Variants in PDE1C observed in about 807,000 individuals in gnomAD.
PDE1C encodes the protein phosphodiesterase 1C, also known as dual specificity calcium/calmodulin-dependent 3',5'-cyclic nucleotide phosphodiesterase 1C.
Under a neutral mutation model 93.1 loss-of-function variants are expected in PDE1C, and 62 were observed. The observed-to-expected ratio is 0.67, with a 90% CI of 0.54 to 0.82. The LOEUF (loss-of-function observed/expected upper bound fraction) is 0.82, where lower values mean the gene tolerates loss of function less well. PDE1C is among the 40% of genes least tolerant of loss of function. The pLI is 0.00. For synonymous variants in PDE1C, 325 were observed against 310.1 expected, an observed-to-expected ratio of 1.05 and a Z score of -0.50; for missense variants, 742 against 884.6, an observed-to-expected ratio of 0.84 and a Z score of 2.04.
At chr7:32,162,995 T>G (rs915445309) in intron 3 of PDE1C, among the ~76,000 whole-genome samples, 1 of 152,150 alleles carries the variant, frequency 6.6e-6, no homozygotes, top group African/African-American at 2.4e-5. Context: ...GAAGCCAAGG[T>G]TGCAATAAAA....
At chr7:32,120,293 A>G (rs1326823479) in intron 3 of PDE1C, among the ~76,000 whole-genome samples, 1 of 152,220 alleles carries the variant, frequency 6.6e-6, no homozygotes, top group Non-Finnish European at 1.5e-5. Context: ...GCAGACCGTC[A>G]TACTTAGCCT....
chr7:32,160,672 T>C (rs1365195481), intron 3 of PDE1C, among the ~76,000 whole-genome samples: 1 of 152,046 alleles, frequency 6.6e-6, no homozygotes, highest in Non-Finnish European at 1.5e-5. Flanking sequence ...TGAAACCCCA[T>C]CTCTACTAAA....
rs190208994 is a variant in PDE1C, at chr7:32,335,974, G to C, written c.310+91848C>G. Reference sequence around the variant, plus strand: ...CAAACACCTGGGCTTACAGGCATGAGTCACCACACCTGGCCTTAATTACCT... The same window carrying C: ...CAAACACCTGGGCTTACAGGCATGACTCACCACACCTGGCCTTAATTACCT... On this transcript the variant is annotated intron_variant, in intron 1 of 1. Coordinates refer to the PDE1C transcript ENST00000672256. 2.0e-5 allele frequency among the ~76,000 whole-genome samples: 3 copies of C among 152,216 alleles called. No homozygotes were observed. In the East Asian group the frequency reaches 5.8e-4, roughly 29 times the overall value.
At chr7:32,377,272 C>T (rs571387057) in intron 1 of PDE1C, among the ~76,000 whole-genome samples, 1 of 152,326 alleles carries the variant, frequency 6.6e-6, no homozygotes, top group South Asian at 2.1e-4. Context: ...TATCCGCACT[C>T]CCCACCTCAC....
intron 9 of PDE1C, among the ~76,000 whole-genome samples, chr7:31,845,401 G>T (rs1444037320): frequency 1.3e-5 from 2 of 152,040 alleles, no homozygotes; most frequent in African/African-American, 4.8e-5. Flanking sequence ...GAAGATTGTT[G>T]ATGTTTTGTT....
the PDE1C span, among the ~76,000 whole-genome samples, chr7:31,737,284 T>C: frequency 6.6e-6 from 1 of 152,040 alleles, no homozygotes; most frequent in African/African-American, 2.4e-5. Context: ...CCACCAACTC[T>C]TCTAATTCTA....
chr7:31,739,243 T>G, the PDE1C span, among the ~76,000 whole-genome samples: 1 of 100,872 alleles, frequency 9.9e-6, no homozygotes, highest in South Asian at 4.1e-4. Context: ...ACACACCAGC[T>G]CTTCTGGAGC....
chr7:31,814,002 G>C (rs1787885754), intron 15 of PDE1C, among the ~76,000 whole-genome samples: 1 of 150,758 alleles, frequency 6.6e-6, no homozygotes, highest in Non-Finnish European at 1.5e-5. Context: ...CCTTTTTATG[G>C]CTGAATAGTA....
At chr7:32,387,135 T>C (rs1433344972) in intron 1 of PDE1C, among the ~76,000 whole-genome samples, 1 of 151,224 alleles carries the variant, frequency 6.6e-6, no homozygotes, top group Non-Finnish European at 1.5e-5. Flanking sequence ...GCACCGCCCT[T>C]AATCCATTTA....
chr7:31,997,664 A>G (rs759240500), intron 2 of PDE1C, among the ~76,000 whole-genome samples: 10 of 152,186 alleles, frequency 6.6e-5, no homozygotes, highest in Non-Finnish European at 1.3e-4. Context: ...TTGCTCATCA[A>G]AGATAACTTG....
intron 17 of PDE1C, among the ~76,000 whole-genome samples, chr7:31,772,247 G>T (rs1179367912): frequency 6.6e-6 from 1 of 152,092 alleles, no homozygotes; most frequent in Admixed American, 6.5e-5. Flanking sequence ...CAGAAAAGCT[G>T]TCCCAATGTC....
At chr7:32,379,749 T>A (rs1356275736) in intron 1 of PDE1C, among the ~76,000 whole-genome samples, 4 of 152,226 alleles carry the variant, frequency 2.6e-5, no homozygotes, top group Non-Finnish European at 4.4e-5. Context: ...TGGTTTCTGA[T>A]AATAAGTTCA....
rs1798713514 is a variant in PDE1C at position 32,112,754 on chromosome 7, T to C, written c.308+57031A>G. Among the ~76,000 whole-genome samples the C allele has an allele frequency of 2.7e-5, 4 of 150,268 alleles. No homozygotes were observed. In the South Asian group the frequency reaches 8.4e-4, roughly 32 times the overall value. Reference sequence around the variant, plus strand: ...GTATTACAGGCAAGAGACACTATGCTCAGCCTTAAAAAGCTTTCTTGATTA... The same window carrying C: ...GTATTACAGGCAAGAGACACTATGCCCAGCCTTAAAAAGCTTTCTTGATTA... On this transcript the variant is annotated intron_variant, in intron 3 of 18. Transcript: ENST00000396193.
intron 1 of PDE1C, among the ~76,000 whole-genome samples, chr7:32,255,836 G>T (rs1809749454): frequency 6.6e-6 from 1 of 152,210 alleles, no homozygotes. Flanking sequence ...AGTGGCAGAG[G>T]CTGGTGCAGA....
chr7:31,786,957 CATCTATCTATCTATCTAT>C, intron 16 of PDE1C: 1 of 108,496 alleles, frequency 9.2e-6, no homozygotes, highest in African/African-American at 5.1e-5. Context: ...ATCTATCTAT[CATCTATCTATCTATCTAT>C]CTACCTACCT....
At chr7:32,085,764 C>T (rs1797030612) in intron 3 of PDE1C, among the ~76,000 whole-genome samples, 1 of 151,842 alleles carries the variant, frequency 6.6e-6, no homozygotes, top group Non-Finnish European at 1.5e-5. Flanking sequence ...ACATTATTAT[C>T]TCAATAGATG....
intron 1 of PDE1C, among the ~76,000 whole-genome samples, chr7:32,067,758 A>G (rs1207074782): frequency 1.3e-5 from 2 of 152,200 alleles, no homozygotes; most frequent in Admixed American, 6.5e-5. Context: ...CTCATGGCTC[A>G]TTGTGTTGAC....
At chr7:31,791,793 T>C (rs914561113) in intron 16 of PDE1C, among the ~76,000 whole-genome samples, 5 of 152,038 alleles carry the variant, frequency 3.3e-5, no homozygotes, top group African/African-American at 4.8e-5. Context: ...TCCTGCAGAC[T>C]GGGTTAGCAG....
At chr7:32,257,168 T>C (rs1279751055) in intron 1 of PDE1C, among the ~76,000 whole-genome samples, 2 of 152,056 alleles carry the variant, frequency 1.3e-5, no homozygotes, top group African/African-American at 2.4e-5. Context: ...TGAGGAAAGA[T>C]TGAGACGATG....
Sources: gnomAD v4.1 joint callset for allele counts (sites outside exome capture counted in the v4.1 genomes callset) on GRCh38, gnomAD v4.1.1 for gene constraint, MANE v1.5 for transcripts, NCBI Gene and HGNC (gene_info 2026-07-23, HGNC 2026-07-21) for gene names.